FBXO10: variants seen among roughly 807,000 people sequenced by gnomAD.
FBXO10 encodes F-box only protein 10.
A neutral mutation model predicts 80.7 loss-of-function variants in FBXO10; 39 were observed. That is an observed-to-expected ratio of 0.48 (90% CI 0.37 to 0.63). FBXO10 has a LOEUF of 0.63. Among genes scored for constraint, FBXO10 ranks in the 30% least tolerant of loss-of-function variants. The probability of loss-of-function intolerance (pLI) is 0.00; values close to 1 mark genes in which losing one functional copy is unlikely to be tolerated. For synonymous variants in FBXO10, 449 were observed against 489.6 expected (o/e 0.92, Z 1.09); for missense variants, 1,025 against 1,269.0 (o/e 0.81, Z 2.92).
intron 10 of FBXO10, among the ~76,000 whole-genome samples, chr9:37,513,028 C>T (rs1311027718): frequency 1.3e-5 from 2 of 152,218 alleles, no homozygotes; most frequent in Non-Finnish European, 2.9e-5. Flanking sequence ...TGCAGTGGCA[C>T]GATCATGGCT....
chr9:37,532,122 G>A, intron 3 of FBXO10, 64 bp from the exon 4 acceptor site: 1 of 1,518,718 alleles, frequency 6.6e-7, no homozygotes, highest in African/African-American at 1.4e-5. Context: ...AACCACTGGA[G>A]GAACACCTGA....
At chr9:37,546,928 GC>G (rs1198357958) in intron 1 of FBXO10, among the ~76,000 whole-genome samples, 7 of 152,162 alleles carry the variant, frequency 4.6e-5, no homozygotes, top group African/African-American at 1.7e-4. Context: ...TGATCCGCCT[GC>G]CTTGGCCTCC....
intron 3 of FBXO10, chr9:37,536,121 A>G (rs1821759119): frequency 6.6e-6 from 1 of 152,230 alleles, no homozygotes; most frequent in Non-Finnish European, 1.5e-5. Flanking sequence ...ATTTAAATTA[A>G]TTAAAATGTG....
At chr9:37,571,440 C>T (rs1822753437) in intron 1 of FBXO10, among the ~76,000 whole-genome samples, 1 of 152,112 alleles carries the variant, frequency 6.6e-6, no homozygotes, top group African/African-American at 2.4e-5. Context: ...GTGGAGAATA[C>T]TACTGGTTCC....
At chr9:37,557,337 C>T (rs916619886) in intron 1 of FBXO10, among the ~76,000 whole-genome samples, 1 of 152,220 alleles carries the variant, frequency 6.6e-6, no homozygotes, top group Non-Finnish European at 1.5e-5. Context: ...CTGAGCCTTA[C>T]CCCAGACCTC....
intron 1 of FBXO10, among the ~76,000 whole-genome samples, chr9:37,554,111 A>G (rs971208705): frequency 1.3e-5 from 2 of 152,134 alleles, no homozygotes; most frequent in Middle Eastern, 3.2e-3. Flanking sequence ...AGTTCTATAC[A>G]ATTTTATCAC....
At chr9:37,573,238 G>A (rs147325188) in intron 1 of FBXO10, among the ~76,000 whole-genome samples, 2 of 152,150 alleles carry the variant, frequency 1.3e-5, no homozygotes, top group African/African-American at 4.8e-5. Context: ...TCTCTTGGGT[G>A]GTCTAGATGA....
intron 3 of FBXO10, among the ~76,000 whole-genome samples, chr9:37,533,996 G>C (rs1821692519): frequency 2.0e-5 from 3 of 152,090 alleles, no homozygotes; most frequent in Non-Finnish European, 4.4e-5. Context: ...AGTGTGGGAG[G>C]ATGTGTGCAG....
rs578067191 is a variant in FBXO10 at position 37,537,255 on chromosome 9, T to C, written c.1274A>G (p.Asn425Ser). Residue 425 changes from asparagine to serine, a missense_variant, in exon 3 of 11, where the codon AAC becomes AGC. Physicochemically the swap from Asn to Ser is conservative, Grantham distance 46 (BLOSUM62 1). This residue lies in a region of FBXO10 where 478 missense variants were observed against 667.8 expected (regional missense o/e 0.72). Transcript: ENST00000432825. The stretch of plus-strand genomic sequence containing the variant: ...GCGGATGAGGCAGCCCTGCACGGAG[T>C]TGGCCAGTGCCATGGCCTCCTTATC... The part of the protein sequence containing the change: ...QKDKEAMALA[N>S]SVQGCLIRKC... 1.3e-5 allele frequency: 21 copies of C among 1,613,816 alleles called. No individual in the cohort carries two copies. In the African/African-American group the frequency reaches 2.8e-4, roughly 22 times the overall value.
At chr9:37,545,264 C>T (rs933761518) in intron 1 of FBXO10, among the ~76,000 whole-genome samples, 5 of 143,486 alleles carry the variant, frequency 3.5e-5, no homozygotes, top group African/African-American at 1.3e-4. Context: ...GCAACCTCTG[C>T]CTCTCAGGTT....
chr9:37,512,907 C>T (rs1821098858), intron 10 of FBXO10, among the ~76,000 whole-genome samples, 186 bp from the exon 11 acceptor site: 1 of 152,194 alleles, frequency 6.6e-6, no homozygotes, highest in Non-Finnish European at 1.5e-5. Flanking sequence ...GGAGCAAAAG[C>T]CCTGCATTCC....
At chr9:37,568,693 C>T (rs1262100401) in intron 1 of FBXO10, among the ~76,000 whole-genome samples, 7 of 151,362 alleles carry the variant, frequency 4.6e-5, no homozygotes, top group African/African-American at 1.7e-4. Flanking sequence ...TCGGAGTTCA[C>T]GTGGTCTAAG....
intron 1 of FBXO10, among the ~76,000 whole-genome samples, chr9:37,574,901 G>C (rs373251106): frequency 7.9e-5 from 12 of 152,180 alleles, no homozygotes; most frequent in South Asian, 2.1e-4. Context: ...CAGAGTAGGG[G>C]TTCCATATAG....
intron 1 of FBXO10, among the ~76,000 whole-genome samples, chr9:37,556,811 C>T (rs1002778574): frequency 6.6e-6 from 1 of 152,162 alleles, no homozygotes; most frequent in Non-Finnish European, 1.5e-5. Context: ...TCCCAAAGTG[C>T]TGGGATTACA....
At chr9:37,538,002 G>T in intron 2 of FBXO10, 59 bp from the exon 3 acceptor site, 2 of 1,361,798 alleles carry the variant, frequency 1.5e-6, no homozygotes, top group Non-Finnish European at 2.1e-6. Flanking sequence ...TTGGACTCTA[G>T]CTGCCCTTTA....
intron 10 of FBXO10, among the ~76,000 whole-genome samples, chr9:37,514,533 TAA>T (rs1438271425): frequency 2.6e-5 from 4 of 152,186 alleles, no homozygotes; most frequent in Middle Eastern, 3.2e-3. Context: ...TACACATATA[TAA>T]GTTATAAATA....
chr9:37,529,935 A>G (rs1429428705), intron 4 of FBXO10, among the ~76,000 whole-genome samples: 2 of 151,792 alleles, frequency 1.3e-5, no homozygotes, highest in Non-Finnish European at 2.9e-5. Flanking sequence ...TGGCCTCCCA[A>G]AGTGCTGGGA....
intron 1 of FBXO10, among the ~76,000 whole-genome samples, chr9:37,558,214 T>G (rs956709640): frequency 1.3e-5 from 2 of 152,242 alleles, no homozygotes; most frequent in African/African-American, 4.8e-5. Context: ...TAAAGGAACC[T>G]AATCTATACC....
At chr9:37,515,858 T>C in intron 10 of FBXO10, 46 bp downstream of exon 10, 1 of 1,582,056 alleles carries the variant, frequency 6.3e-7, no homozygotes. Context: ...TTCAGGGAGC[T>C]TACTGTGGCT....
Sources: allele counts gnomAD v4.1 joint callset (sites outside exome capture counted in the v4.1 genomes callset), GRCh38; gene constraint gnomAD v4.1.1; regional missense constraint gnomAD v4.1.1; transcripts MANE v1.5; gene names NCBI Gene and HGNC (gene_info 2026-07-23, HGNC 2026-07-21).